The following TMEM117 variants were observed in gnomAD, a reference collection of about 807,000 sequenced individuals.
The protein encoded by TMEM117 is transmembrane protein 117.
A neutral mutation model predicts 52.4 loss-of-function variants in TMEM117; 27 were observed. The ratio of observed to expected loss-of-function variants is 0.51; its 90% confidence interval spans 0.38 to 0.71. TMEM117 has a LOEUF of 0.71. TMEM117 is among the 30% of genes least tolerant of loss of function. The pLI is 0.00. For missense variants in TMEM117, 556 were observed against 630.5 expected (o/e 0.88, Z 1.26); for synonymous variants, 215 against 206.3 (o/e 1.04, Z -0.36).
At chr12:44,157,200 G>A (rs898249533) in intron 4 of TMEM117, among the ~76,000 whole-genome samples, 14 of 152,000 alleles carry the variant, frequency 9.2e-5, no homozygotes, top group Non-Finnish European at 1.6e-4. Context: ...GACCTGCTCC[G>A]CCAATTCTTC....
chr12:44,233,477 T>C (rs1220549922), intron 5 of TMEM117, among the ~76,000 whole-genome samples: 1 of 151,266 alleles, frequency 6.6e-6, no homozygotes, highest in African/African-American at 2.4e-5. Flanking sequence ...AGGAAGCTGT[T>C]TCTTCTCTAG....
At chr12:44,144,675 A>G (rs1482489907) in intron 4 of TMEM117, among the ~76,000 whole-genome samples, 1 of 152,190 alleles carries the variant, frequency 6.6e-6, no homozygotes, top group Non-Finnish European at 1.5e-5. Flanking sequence ...TAACTACCAA[A>G]GGGTTTGTAT....
chr12:44,386,381 C>T (rs1486130936), intron 7 of TMEM117, among the ~76,000 whole-genome samples: 1 of 152,080 alleles, frequency 6.6e-6, no homozygotes, highest in African/African-American at 2.4e-5. Flanking sequence ...GACAACATTC[C>T]CAATGTTCAA....
chr12:43,844,574 A>G (rs1363531800), intron 1 of TMEM117, 50 bp from the exon 2 acceptor site: 8 of 1,462,578 alleles, frequency 5.5e-6, no homozygotes, highest in Non-Finnish European at 7.4e-6. Flanking sequence ...AAAAGAAGAA[A>G]GCCATTACTT....
intron 4 of TMEM117, among the ~76,000 whole-genome samples, chr12:44,175,650 G>A (rs907499932): frequency 1.3e-5 from 2 of 152,108 alleles, no homozygotes; most frequent in East Asian, 1.9e-4. Context: ...CAAGGTAAAG[G>A]CCCAATGAAT....
chr12:44,200,985 AAAT>A (rs1408734006), intron 4 of TMEM117, among the ~76,000 whole-genome samples: 1 of 152,162 alleles, frequency 6.6e-6, no homozygotes, highest in African/African-American at 2.4e-5. Context: ...AAAAGGAAGA[AAAT>A]AATAGGAAAA....
intron 5 of TMEM117, among the ~76,000 whole-genome samples, chr12:44,235,451 T>C (rs1242446513): frequency 6.6e-6 from 1 of 151,624 alleles, no homozygotes; most frequent in African/African-American, 2.4e-5. Context: ...AAATCTATCA[T>C]CTAAATTTGT....
chr12:43,959,257 C>T (rs1945362534), intron 3 of TMEM117, among the ~76,000 whole-genome samples: 1 of 152,144 alleles, frequency 6.6e-6, no homozygotes, highest in African/African-American at 2.4e-5. Flanking sequence ...CTGACTTAGG[C>T]CTTAGCCTCT....
At chr12:44,094,702 T>C (rs1947728536) in intron 3 of TMEM117, among the ~76,000 whole-genome samples, 1 of 152,012 alleles carries the variant, frequency 6.6e-6, no homozygotes, top group South Asian at 2.1e-4. Flanking sequence ...GAAAATCCAC[T>C]CTGGGCATCC....
chr12:44,336,500 G>A (rs1951342868), intron 6 of TMEM117, among the ~76,000 whole-genome samples: 2 of 152,020 alleles, frequency 1.3e-5, no homozygotes, highest in Admixed American at 6.6e-5. Flanking sequence ...TACTATAGAA[G>A]TGTCAGCATT....
chr12:44,353,778 G>A (rs1225088475), intron 6 of TMEM117, among the ~76,000 whole-genome samples: 1 of 152,014 alleles, frequency 6.6e-6, no homozygotes, highest in Non-Finnish European at 1.5e-5. Flanking sequence ...TTGGCGATGT[G>A]GGCTCTTTTT....
intron 3 of TMEM117, among the ~76,000 whole-genome samples, chr12:43,993,382 T>C (rs934237952): frequency 2.6e-5 from 4 of 152,158 alleles, no homozygotes; most frequent in Non-Finnish European, 4.4e-5. Context: ...GTTACACTTA[T>C]CATTATCACT....
At chr12:44,209,957 G>T (rs1565594874) in intron 4 of TMEM117, among the ~76,000 whole-genome samples, 1 of 151,984 alleles carries the variant, frequency 6.6e-6, no homozygotes, top group Non-Finnish European at 1.5e-5. Context: ...TGATCTAAAA[G>T]GACTCCCCAC....
At chr12:44,200,585 A>C (rs969229785) in intron 4 of TMEM117, among the ~76,000 whole-genome samples, 1 of 152,216 alleles carries the variant, frequency 6.6e-6, no homozygotes, top group Non-Finnish European at 1.5e-5. Context: ...ATAACAATTC[A>C]GAAATTTTGT....
intron 2 of TMEM117, among the ~76,000 whole-genome samples, chr12:43,933,804 G>A (rs564307611): frequency 5.9e-5 from 9 of 151,976 alleles, no homozygotes; most frequent in African/African-American, 1.4e-4. Flanking sequence ...CTTGTGATCC[G>A]CCGGCTTCAG....
chr12:43,868,633 G>T (rs1313121647), intron 2 of TMEM117, among the ~76,000 whole-genome samples: 1 of 150,324 alleles, frequency 6.7e-6, no homozygotes, highest in Non-Finnish European at 1.5e-5. Flanking sequence ...GAATTTAGAA[G>T]ATAAATTATA....
chr12:43,995,893 C>G (rs972262100), intron 3 of TMEM117, among the ~76,000 whole-genome samples: 1 of 152,136 alleles, frequency 6.6e-6, no homozygotes, highest in Non-Finnish European at 1.5e-5. Flanking sequence ...GGAGTTTTGT[C>G]TCCAAATAAA....
chr12:44,090,977 T>C (rs1947662409), intron 3 of TMEM117, among the ~76,000 whole-genome samples: 1 of 151,266 alleles, frequency 6.6e-6, no homozygotes, highest in Admixed American at 6.6e-5. Context: ...TCAAGATAAA[T>C]ACTTTAAGTT....
chr12:44,360,458 T>C (rs930275118), intron 6 of TMEM117, among the ~76,000 whole-genome samples: 3 of 151,634 alleles, frequency 2.0e-5, no homozygotes, highest in Non-Finnish European at 4.4e-5. Flanking sequence ...TCCCAGCTAC[T>C]CGGGAGGCTG....
Sources: allele counts gnomAD v4.1 joint callset (sites outside exome capture counted in the v4.1 genomes callset), GRCh38; gene constraint gnomAD v4.1.1; transcripts MANE v1.5; gene names NCBI Gene and HGNC (gene_info 2026-07-23, HGNC 2026-07-21).